The following HTT variants were observed in gnomAD, a reference collection of about 807,000 sequenced individuals.
The protein encoded by HTT is huntingtin, also known as huntington disease protein.
Under a neutral mutation model 362.3 loss-of-function variants are expected in HTT, and 104 were observed. That is an observed-to-expected ratio of 0.29 (90% CI 0.24 to 0.34). The LOEUF (loss-of-function observed/expected upper bound fraction) is 0.34, where lower values mean the gene tolerates loss of function less well. Among genes scored for constraint, HTT ranks in the 10% least tolerant of loss-of-function variants. The probability of loss-of-function intolerance (pLI) is 1.00; values close to 1 mark genes in which losing one functional copy is unlikely to be tolerated. For synonymous variants in HTT, 1,577 were observed against 1,548.7 expected, an observed-to-expected ratio of 1.02 and a Z score of -0.43; for missense variants, 3,301 against 3,928.6, an observed-to-expected ratio of 0.84 and a Z score of 4.27.
intron 53 of HTT, among the ~76,000 whole-genome samples, chr4:3,221,406 C>T (rs1234614664): frequency 6.6e-6 from 1 of 152,226 alleles, no homozygotes; most frequent in African/African-American, 2.4e-5. Flanking sequence ...TGCCCTTGCT[C>T]TTGAACTGCC....
chr4:3,240,238 G>A lies in HTT; in HGVS notation c.*179G>A. 1.6e-6 allele frequency: 1 copy of A among 618,446 alleles called. No individual in the cohort carries two copies. The highest frequency in any genetic ancestry group is 2.9e-6 in the Non-Finnish European group (1 of 350,600). 38.3% of individuals were successfully genotyped at this position (618,446 alleles called of 1,614,324 possible). On this transcript the variant is annotated 3_prime_UTR_variant, in exon 67 of 67. Coordinates refer to ENST00000355072, the MANE Select transcript of HTT (RefSeq NM_001388492.1). Reference sequence around the variant, plus strand: ...GGCAGAAGTGCTCTTTGTGGCAGTGGCCAGGCAGGGAGTGTCTGCAGTCCT... The same window carrying A: ...GGCAGAAGTGCTCTTTGTGGCAGTGACCAGGCAGGGAGTGTCTGCAGTCCT...
chr4:3,131,554 A>G, intron 15 of HTT, 84 bp from the exon 16 acceptor site: 4 of 1,557,802 alleles, frequency 2.6e-6, no homozygotes, highest in East Asian at 4.5e-5. Flanking sequence ...TGATGGGAGC[A>G]GGTAGGTTAT....
At position 3,136,258 on chromosome 4, in the gene HTT, T is replaced by A; in HGVS notation, c.2730T>A (p.Asn910Lys). 1 of 1,612,186 alleles carries A rather than the reference T, an allele frequency of 6.2e-7. No homozygotes were observed. The highest frequency in any genetic ancestry group is 8.5e-7 in the Non-Finnish European group (1 of 1,178,334). Residue 910 changes from asparagine to lysine, a missense_variant, in exon 21 of 67, where the codon AAT becomes AAA. By Grantham distance (94) the Asn-to-Lys change is moderately conservative (BLOSUM62 0). Transcript: ENST00000355072. ...AACTGCAAGAACGAGTGCTCAATAA[T>A]GTTGTCATCCATTTGCTTGGAGATG... ...LLKLQERVLN[N>K]VVIHLLGDED...
rs1578554949 is a variant in HTT at position 3,167,430 on chromosome 4, T to C, written c.3865-4890T>C. 2.0e-5 allele frequency among the ~76,000 whole-genome samples: 3 copies of C among 152,324 alleles called. No individual in the cohort carries two copies. The South Asian group carries it at 6.2e-4, about 32-fold the overall frequency. ...ACTGTGCTTAATAAGTAGTTTTTAG[T>C]GGCCAGCAGTCTCCATGTATAACAC... On this transcript the variant is annotated intron_variant, in intron 29 of 66. Coordinates refer to ENST00000355072, the MANE Select transcript of HTT (RefSeq NM_001388492.1).
At chr4:3,216,196 A>G (rs1222904898) in intron 51 of HTT, among the ~76,000 whole-genome samples, 6 of 152,160 alleles carry the variant, frequency 3.9e-5, no homozygotes, top group Non-Finnish European at 5.9e-5. Context: ...TTCCCGGTTC[A>G]AGGTTTTGTA....
At chr4:3,132,410 T>A (rs1405946126) in intron 16 of HTT, 152 bp from the exon 17 acceptor site, 5 of 562,144 alleles carry the variant, frequency 8.9e-6, no homozygotes, top group South Asian at 3.5e-5. Context: ...TTTTTTTTTT[T>A]AATCACTTAG....
At chr4:3,157,023 C>T in intron 27 of HTT, 49 bp from the exon 28 acceptor site, 1 of 1,494,694 alleles carries the variant, frequency 6.7e-7, no homozygotes. Context: ...TAAAACTTGG[C>T]AAGTTATTTT....
intron 25 of HTT, 37 bp downstream of exon 25, chr4:3,146,985 T>A: frequency 6.2e-7 from 1 of 1,608,490 alleles, no homozygotes. Flanking sequence ...CTCCAGGACT[T>A]GGATTTTGAT....
intron 8 of HTT, 50 bp from the exon 9 acceptor site, chr4:3,121,178 G>T (rs761624178): frequency 1.5e-6 from 2 of 1,373,838 alleles, no homozygotes; most frequent in South Asian, 2.4e-5. Flanking sequence ...TGAAGCTTAG[G>T]ATGCATTTTA....
chr4:3,098,130 AC>A (rs1303951413), intron 2 of HTT, among the ~76,000 whole-genome samples: 2 of 152,242 alleles, frequency 1.3e-5, no homozygotes, highest in Non-Finnish European at 2.9e-5. Flanking sequence ...TGTTGACAGT[AC>A]TGCTTTGGAG....
chr4:3,146,960 G>A lies in HTT; in HGVS notation c.3295+12G>A, dbSNP rs957066341. The A allele has an allele frequency of 3.7e-6, 6 of 1,614,036 alleles. No homozygotes were observed. Among genetic ancestry groups the A allele is most frequent in the Middle Eastern group, 1.6e-4 (1 of 6,062 alleles). ...AAACTTGCTTGCAGGTACTGGTACT[G>A]AGTTGAAACAGGGACTCCAGGACTT... is the stretch of plus-strand genomic sequence containing the variant. On this transcript the variant is annotated intron_variant, in intron 25 of 66. Transcript: ENST00000355072.
At chr4:3,219,014 C>T (rs1267610058) in intron 52 of HTT, among the ~76,000 whole-genome samples, 1 of 152,202 alleles carries the variant, frequency 6.6e-6, no homozygotes, top group Admixed American at 6.5e-5. Flanking sequence ...TTGTTTGATC[C>T]TGAGAGATAA....
intron 52 of HTT, among the ~76,000 whole-genome samples, chr4:3,219,514 A>AG (rs1023658421): frequency 1.3e-5 from 2 of 152,074 alleles, no homozygotes; most frequent in African/African-American, 4.8e-5. Context: ...ATTTAAAGAG[A>AG]GGGCTTTCCT....
chr4:3,104,425 A>T (rs1021053934), intron 4 of HTT, among the ~76,000 whole-genome samples: 1 of 151,920 alleles, frequency 6.6e-6, no homozygotes, highest in Non-Finnish European at 1.5e-5. Context: ...CCTGGCCAAC[A>T]TGGAGAAACC....
At chr4:3,076,324 T>C (rs528247681) in intron 1 of HTT, among the ~76,000 whole-genome samples, 1 of 152,340 alleles carries the variant, frequency 6.6e-6, no homozygotes, top group African/African-American at 2.4e-5. Context: ...CTATTTCCGA[T>C]CTGGATGTGT....
intron 59 of HTT, among the ~76,000 whole-genome samples, chr4:3,229,424 CACA>C (rs996216259): frequency 6.7e-6 from 1 of 149,452 alleles, no homozygotes; most frequent in Non-Finnish European, 1.5e-5. Flanking sequence ...ACACACAGCA[CACA>C]ACCACACACA....
intron 8 of HTT, among the ~76,000 whole-genome samples, chr4:3,119,788 G>A (rs75657679): frequency 0.01 from 1,534 of 152,276 alleles, 14 homozygotes; most frequent in Non-Finnish European, 0.015. Context: ...ATTGAGAGGA[G>A]CCAGGAGATT....
intron 60 of HTT, among the ~76,000 whole-genome samples, chr4:3,230,267 G>A (rs1299651424): frequency 6.6e-6 from 1 of 152,226 alleles, no homozygotes; most frequent in Non-Finnish European, 1.5e-5. Flanking sequence ...TGGCGGCCAA[G>A]CCATGGTTTG....
chr4:3,135,950 G>T lies in HTT; in HGVS notation c.2680G>T (p.Ala894Ser). 2 of 1,604,014 alleles carry T rather than the reference G, an allele frequency of 1.2e-6. No homozygotes were observed. Among genetic ancestry groups the T allele is most frequent in the East Asian group, 2.2e-5 (1 of 44,480 alleles). ...EAKAENLHRG[A>S]HHYTGLLKLQ... ...AAAAGCAGAAAACTTACACAGAGGG[G>T]CTCATCATTATACAGGGGTAAGCGG... Residue 894 changes from alanine (A) to serine (S), a missense_variant, in exon 20 of 67, where the codon GCT (alanine) becomes TCT (serine). By Grantham distance (99) the Ala-to-Ser change is moderately conservative (BLOSUM62 1). This residue lies in a region of HTT where 2,316 missense variants were observed against 2,658.5 expected (regional missense o/e 0.87). Coordinates refer to ENST00000355072, the MANE Select transcript of HTT (RefSeq NM_001388492.1).
Sources: gnomAD v4.1 joint callset for allele counts (sites outside exome capture counted in the v4.1 genomes callset) on GRCh38, gnomAD v4.1.1 for gene constraint, gnomAD v4.1.1 regional missense constraint, MANE v1.5 for transcripts, NCBI Gene and HGNC (gene_info 2026-07-23, HGNC 2026-07-21) for gene names.